The following ZNF503 variants were observed in gnomAD, a reference collection of about 807,000 sequenced individuals.
ZNF503 encodes the protein zinc finger protein 503.
ZNF503 carries 15 observed loss-of-function variants against 34.4 expected under a neutral mutation model. The observed-to-expected ratio is 0.44, with a 90% CI of 0.29 to 0.67. ZNF503 has a LOEUF of 0.67. ZNF503 is among the 30% of genes least tolerant of loss of function. The pLI, the probability that ZNF503 is intolerant of heterozygous loss-of-function variation, is 0.13. For missense variants in ZNF503, 1,007 were observed against 926.8 expected, an observed-to-expected ratio of 1.09 and a Z score of -1.12; for synonymous variants, 580 against 456.8, an observed-to-expected ratio of 1.27 and a Z score of -3.44.
chr10:75,347,702 A>T, the ZNF503 span, among the ~76,000 whole-genome samples: 3 of 152,260 alleles, frequency 2.0e-5, no homozygotes, highest in Admixed American at 1.3e-4. Flanking sequence ...TATGATGATG[A>T]TTATTCTAAA....
chr10:75,321,065 G>A, the ZNF503 span, among the ~76,000 whole-genome samples: 2 of 152,130 alleles, frequency 1.3e-5, no homozygotes, highest in Non-Finnish European at 2.9e-5. Flanking sequence ...CATCCCCCTA[G>A]TGCCATTCTT....
chr10:75,346,578 T>C, the ZNF503 span, among the ~76,000 whole-genome samples: 1 of 151,530 alleles, frequency 6.6e-6, no homozygotes, highest in East Asian at 1.9e-4. Context: ...TAGCTGAGAC[T>C]ATAGGCATGT....
chr10:75,310,577 G>C, the ZNF503 span, among the ~76,000 whole-genome samples: 3 of 152,362 alleles, frequency 2.0e-5, no homozygotes, highest in South Asian at 6.2e-4. Context: ...ATCCTTGGAA[G>C]TCTGTAATAA....
At chr10:75,289,925 C>G in the ZNF503 span, among the ~76,000 whole-genome samples, 1 of 152,142 alleles carries the variant, frequency 6.6e-6, no homozygotes, top group Non-Finnish European at 1.5e-5. Context: ...TGCTATGCAG[C>G]CATCACCACC....
the ZNF503 span, among the ~76,000 whole-genome samples, chr10:75,323,310 A>T: frequency 6.6e-6 from 1 of 152,230 alleles, no homozygotes; most frequent in Non-Finnish European, 1.5e-5. Context: ...GGTATTTATA[A>T]ATAAAGCTCT....
chr10:75,329,549 T>G, the ZNF503 span, among the ~76,000 whole-genome samples: 1 of 152,002 alleles, frequency 6.6e-6, no homozygotes. Flanking sequence ...CCTAATAGCC[T>G]TGACCTCCTG....
the ZNF503 span, among the ~76,000 whole-genome samples, chr10:75,326,568 T>A: frequency 6.6e-6 from 1 of 152,176 alleles, no homozygotes; most frequent in Non-Finnish European, 1.5e-5. Context: ...TCATTGTTTT[T>A]GTTGAGAAGT....
chr10:75,360,472 G>C, the ZNF503 span: 1 of 152,132 alleles, frequency 6.6e-6, no homozygotes, highest in Non-Finnish European at 1.5e-5. Context: ...CTCTGAGAGT[G>C]GGTGCCTCCT....
At chr10:75,397,287 G>A (rs1469353752), downstream of ZNF503, among the ~76,000 whole-genome samples, 1 of 152,196 alleles carries the variant, frequency 6.6e-6, no homozygotes, top group Admixed American at 6.5e-5. Flanking sequence ...GAAGAAAAGA[G>A]GACGCACTCT....
At chr10:75,343,481 C>T in the ZNF503 span, 2 of 152,330 alleles carry the variant, frequency 1.3e-5, no homozygotes, top group South Asian at 4.1e-4. Flanking sequence ...TATTTCCCAT[C>T]TGTCCTTATC....
chr10:75,299,334 C>G, the ZNF503 span, among the ~76,000 whole-genome samples: 3 of 152,048 alleles, frequency 2.0e-5, no homozygotes, highest in African/African-American at 7.2e-5. Flanking sequence ...CAGTTGTCCC[C>G]CATAACGTTT....
rs755360400 is a variant in ZNF503, at chr10:75,400,210, G to T, written c.480C>A (p.Gly160=). 1.2e-6 allele frequency: 2 copies of T among 1,603,856 alleles called. No homozygotes were observed. The highest frequency in any genetic ancestry group is 3.5e-5 in the Admixed American group (2 of 57,776). Residue 160 remains glycine (G), a synonymous_variant, in exon 2 of 2, where the codon GGC becomes GGA. Transcript: ENST00000372524. ...GAAGDKDTKS[G]PLKLSDIGVE... ...CGCCGATGTCGCTCAGCTTCAGGGG[G>T]CCCGATTTGGTGTCCTTGTCGCCCG...
At chr10:75,378,792 G>A in the ZNF503 span, among the ~76,000 whole-genome samples, 13 of 152,254 alleles carry the variant, frequency 8.5e-5, no homozygotes, top group African/African-American at 2.6e-4. Context: ...AGTTGATGGG[G>A]TGGACATAGG....
chr10:75,281,391 G>A, the ZNF503 span, among the ~76,000 whole-genome samples: 4 of 152,120 alleles, frequency 2.6e-5, no homozygotes, highest in African/African-American at 9.7e-5. Flanking sequence ...TTGTAATCCT[G>A]TGGGACAGGT....
chr10:75,347,444 C>T, the ZNF503 span, among the ~76,000 whole-genome samples: 1 of 152,200 alleles, frequency 6.6e-6, no homozygotes, highest in Admixed American at 6.5e-5. Flanking sequence ...AACCTCCTGC[C>T]GGAGGGGCTG....
the ZNF503 span, among the ~76,000 whole-genome samples, chr10:75,314,318 A>G: frequency 6.6e-6 from 1 of 151,950 alleles, no homozygotes; most frequent in Non-Finnish European, 1.5e-5. Context: ...AAACAATATA[A>G]GAACAAAATT....
the ZNF503 span, among the ~76,000 whole-genome samples, chr10:75,369,707 G>A: frequency 6.6e-6 from 1 of 152,114 alleles, no homozygotes; most frequent in African/African-American, 2.4e-5. Context: ...ATGCAGTTTT[G>A]TTAAAAAGAA....
At chr10:75,373,084 A>G in the ZNF503 span, among the ~76,000 whole-genome samples, 10 of 152,224 alleles carry the variant, frequency 6.6e-5, no homozygotes, top group African/African-American at 2.4e-4. Flanking sequence ...TAAGGCGCAC[A>G]AGCTCCGCCC....
chr10:75,355,671 C>T, the ZNF503 span, among the ~76,000 whole-genome samples: 1 of 152,176 alleles, frequency 6.6e-6, no homozygotes, highest in Non-Finnish European at 1.5e-5. Context: ...CAGAACTGAA[C>T]CTGGCATTGA....
Sources: allele counts gnomAD v4.1 joint callset (sites outside exome capture counted in the v4.1 genomes callset), GRCh38; gene constraint gnomAD v4.1.1; transcripts MANE v1.5; gene names NCBI Gene and HGNC (gene_info 2026-07-23, HGNC 2026-07-21).